The following GRM1 variants were observed in gnomAD, a reference collection of about 807,000 sequenced individuals.
The protein encoded by GRM1 is metabotropic glutamate receptor 1.
In GRM1, 33 loss-of-function variants were observed where a neutral mutation model predicts 90.9. That is an observed-to-expected ratio of 0.36 (90% CI 0.28 to 0.49). The LOEUF (loss-of-function observed/expected upper bound fraction) is 0.49. GRM1 is among the 20% of genes least tolerant of loss of function. The pLI, the probability that GRM1 is intolerant of heterozygous loss-of-function variation, is 0.99. For missense variants in GRM1, 1,190 were observed against 1,534.3 expected, an observed-to-expected ratio of 0.78 and a Z score of 3.75; for synonymous variants, 700 against 613.2, an observed-to-expected ratio of 1.14 and a Z score of -2.09.
At chr6:146,227,623 A>T (rs1780288885) in intron 2 of GRM1, among the ~76,000 whole-genome samples, 3 of 152,196 alleles carry the variant, frequency 2.0e-5, no homozygotes, top group Admixed American at 6.6e-5. Flanking sequence ...TTAATATGCT[A>T]CTAATCTATC....
chr6:146,352,145 C>T lies in GRM1; in HGVS notation c.1187-105C>T, dbSNP rs1311033041. The T allele has an allele frequency of 6.8e-6, 8 of 1,173,014 alleles. No homozygotes were observed. The East Asian group carries it at 1.4e-4, about 21-fold the overall frequency. The allele number at this position is 1,173,014 out of a possible 1,614,324, so 72.7% of individuals were successfully genotyped here. A position where few individuals can be genotyped will look rare whatever the true frequency, so the allele number is the denominator to read the frequency against. ...GGCGTGGCTTCTGCCAGTGTCATTG[C>T]TCATTCCCTTCCTCTGAGAACCCCC... On this transcript the variant is annotated intron_variant, in intron 3 of 7. Transcript: ENST00000282753.
At chr6:146,374,126 T>G (rs541264378) in intron 5 of GRM1, among the ~76,000 whole-genome samples, 1 of 146,398 alleles carries the variant, frequency 6.8e-6, no homozygotes, top group African/African-American at 2.6e-5. Flanking sequence ...AATCATATGG[T>G]TTTTATCCTT....
chr6:146,210,387 G>C (rs1420261041), intron 2 of GRM1, among the ~76,000 whole-genome samples: 2 of 152,184 alleles, frequency 1.3e-5, no homozygotes, highest in Non-Finnish European at 2.9e-5. Flanking sequence ...GTATGAAGCA[G>C]ACACACTGCA....
chr6:146,194,994 TAAA>T (rs1156378328), intron 2 of GRM1, among the ~76,000 whole-genome samples: 1 of 152,216 alleles, frequency 6.6e-6, no homozygotes, highest in Non-Finnish European at 1.5e-5. Flanking sequence ...TTACTACATG[TAAA>T]ACACTTAAAA....
chr6:146,124,187 A>G (rs1776108720), intron 1 of GRM1, among the ~76,000 whole-genome samples: 1 of 152,218 alleles, frequency 6.6e-6, no homozygotes, highest in Non-Finnish European at 1.5e-5. Flanking sequence ...TTAGTAAGTG[A>G]TTTGAACAAT....
At chr6:146,275,129 G>T (rs953396524) in intron 2 of GRM1, among the ~76,000 whole-genome samples, 3 of 152,176 alleles carry the variant, frequency 2.0e-5, no homozygotes, top group African/African-American at 7.2e-5. Flanking sequence ...ACTGCAATGA[G>T]CTAAACTAAG....
chr6:146,403,183 A>G (rs1054578373), intron 7 of GRM1, among the ~76,000 whole-genome samples: 1 of 152,206 alleles, frequency 6.6e-6, no homozygotes, highest in Admixed American at 6.5e-5. Context: ...TTAAAGAAAA[A>G]TGAGTTAACA....
chr6:146,306,280 A>T (rs993456583), intron 3 of GRM1, among the ~76,000 whole-genome samples: 1 of 152,170 alleles, frequency 6.6e-6, no homozygotes, highest in Non-Finnish European at 1.5e-5. Context: ...GAAATAATAG[A>T]TAAACCAAGA....
Position 146,399,364 on chromosome 6 carries a change from C to T in GRM1, c.2325C>T (p.Arg775=). 6.2e-7 allele frequency: 1 copy of T among 1,614,192 alleles called. No homozygotes were observed. Among genetic ancestry groups the T allele is most frequent in the Non-Finnish European group, 8.5e-7 (1 of 1,180,032 alleles). The change falls in exon 7 of 8, where the codon CGC becomes CGT. Residue 775 remains arginine, a synonymous_variant. Coordinates refer to ENST00000282753, the MANE Select transcript of GRM1 (RefSeq NM_001278064.2). The surrounding 1 kb of genome is among the most constrained non-coding windows in gnomAD (Gnocchi z 5.4). ...GTACCTACTATGCCTTCAAGACCCGCAACGTGCCCGCCAACTTCAACGAGG... is the reference window on the plus strand; with the variant it reads ...GTACCTACTATGCCTTCAAGACCCGTAACGTGCCCGCCAACTTCAACGAGG... ...MSCTYYAFKT[R]NVPANFNEAK...
At chr6:146,267,491 G>T (rs1781936065) in intron 2 of GRM1, among the ~76,000 whole-genome samples, 1 of 152,086 alleles carries the variant, frequency 6.6e-6, no homozygotes, top group Non-Finnish European at 1.5e-5. Context: ...ACGATCACAA[G>T]GTCGCAAAAT....
At chr6:146,247,171 C>A (rs1039212511) in intron 2 of GRM1, among the ~76,000 whole-genome samples, 1 of 152,142 alleles carries the variant, frequency 6.6e-6, no homozygotes, top group Admixed American at 6.6e-5. Flanking sequence ...TTACATGAGA[C>A]AGGTAGGGTC....
chr6:146,356,238 T>C (rs140223031), intron 4 of GRM1, among the ~76,000 whole-genome samples: 127 of 152,326 alleles, frequency 8.3e-4, no homozygotes, highest in African/African-American at 2.8e-3. Context: ...TTGTCTTCCT[T>C]CATTTGGGAT....
chr6:146,339,476 A>G (rs1784893718), intron 3 of GRM1, among the ~76,000 whole-genome samples: 1 of 152,188 alleles, frequency 6.6e-6, no homozygotes, highest in Non-Finnish European at 1.5e-5. Flanking sequence ...TAGACACCTC[A>G]TTTATATTAC....
intron 4 of GRM1, among the ~76,000 whole-genome samples, chr6:146,355,121 A>G (rs1284800511): frequency 6.6e-6 from 1 of 152,212 alleles, no homozygotes; most frequent in Non-Finnish European, 1.5e-5. Flanking sequence ...TGTATGTGAG[A>G]AGCTGTATTA....
chr6:146,167,946 A>G (rs1372279723), intron 2 of GRM1, among the ~76,000 whole-genome samples: 1 of 152,022 alleles, frequency 6.6e-6, no homozygotes, highest in South Asian at 2.1e-4. Flanking sequence ...TCTATCAAAA[A>G]TATTTTACCT....
At chr6:146,094,680 G>A (rs375691651) in intron 1 of GRM1, among the ~76,000 whole-genome samples, 3 of 152,036 alleles carry the variant, frequency 2.0e-5, no homozygotes, top group African/African-American at 7.2e-5. Context: ...AAATGGCAAA[G>A]ACTCAGAGAC....
At chr6:146,064,235 G>A (rs952494341) in intron 1 of GRM1, among the ~76,000 whole-genome samples, 2 of 152,126 alleles carry the variant, frequency 1.3e-5, no homozygotes, top group East Asian at 3.9e-4. Flanking sequence ...GTGTGCACAT[G>A]TATATGTTTA....
intron 1 of GRM1, among the ~76,000 whole-genome samples, chr6:146,112,485 G>T (rs577092924): frequency 6.6e-6 from 1 of 152,106 alleles, no homozygotes; most frequent in African/African-American, 2.4e-5. Context: ...AATGCCAAGT[G>T]TTTAGATTTT....
chr6:146,196,745 T>G (rs1779137809), intron 2 of GRM1, among the ~76,000 whole-genome samples: 4 of 152,126 alleles, frequency 2.6e-5, no homozygotes, highest in Admixed American at 2.6e-4. Context: ...GCCATCTATG[T>G]TTTAATAAAC....
Sources: gnomAD v4.1 joint callset for allele counts (sites outside exome capture counted in the v4.1 genomes callset) on GRCh38, gnomAD v4.1.1 for gene constraint, Gnocchi (gnomAD v3.1) non-coding constraint, MANE v1.5 for transcripts, NCBI Gene and HGNC (gene_info 2026-07-23, HGNC 2026-07-21) for gene names.